WDPCP: variants seen among roughly 807,000 people sequenced by gnomAD.
WDPCP encodes the protein WD repeat-containing and planar cell polarity effector protein fritz homolog.
WDPCP carries 71 observed loss-of-function variants against 93.1 expected under a neutral mutation model. The ratio of observed to expected loss-of-function variants is 0.76; its 90% CI spans 0.63 to 0.93. WDPCP has a LOEUF of 0.93. WDPCP is among the 40% of genes least tolerant of loss of function. The probability of loss-of-function intolerance (pLI) is 0.00; values close to 1 mark genes in which losing one functional copy is unlikely to be tolerated. For missense variants in WDPCP, 844 were observed against 887.4 expected, an observed-to-expected ratio of 0.95 and a Z score of 0.62; for synonymous variants, 315 against 315.0, an observed-to-expected ratio of 1.00 and a Z score of 0.00.
At chr2:63,831,289 T>C (rs1340984340), upstream of WDPCP, among the ~76,000 whole-genome samples, 2 of 152,170 alleles carry the variant, frequency 1.3e-5, no homozygotes, top group African/African-American at 4.8e-5. Flanking sequence ...CCTCCAAACT[T>C]ATATCTTGTC....
At chr2:63,549,248 A>T (rs1705387933) in intron 1 of WDPCP, among the ~76,000 whole-genome samples, 1 of 11,498 alleles carries the variant, frequency 8.7e-5, no homozygotes, top group African/African-American at 5.9e-4. Context: ...AGACTGTCTC[A>T]AAAAAAAAAA....
chr2:63,700,804 A>G (rs1669037069), intron 2 of WDPCP, among the ~76,000 whole-genome samples: 1 of 152,188 alleles, frequency 6.6e-6, no homozygotes, highest in Admixed American at 6.5e-5. Context: ...CACTGAAAAA[A>G]CTGGATAACC....
At chr2:63,213,727 C>G (rs1243694727) in intron 14 of WDPCP, among the ~76,000 whole-genome samples, 7 of 151,880 alleles carry the variant, frequency 4.6e-5, no homozygotes, top group African/African-American at 1.7e-4. Flanking sequence ...AGACTGCTAG[C>G]AAGACTAATA....
At chr2:63,479,909 G>A (rs937878268) in intron 6 of WDPCP, among the ~76,000 whole-genome samples, 2 of 152,012 alleles carry the variant, frequency 1.3e-5, no homozygotes, top group Non-Finnish European at 2.9e-5. Context: ...ACAAATCAAG[G>A]GCATCCAAAT....
At chr2:63,361,809 G>C (rs966742188) in intron 12 of WDPCP, among the ~76,000 whole-genome samples, 4 of 152,200 alleles carry the variant, frequency 2.6e-5, no homozygotes, top group African/African-American at 9.6e-5. Flanking sequence ...TTAAAGCTGT[G>C]CTTCTCAGAG....
At chr2:63,376,382 A>C (rs921548608) in intron 12 of WDPCP, among the ~76,000 whole-genome samples, 82 of 152,070 alleles carry the variant, frequency 5.4e-4, no homozygotes, top group African/African-American at 1.9e-3. Flanking sequence ...AAGTATGTCC[A>C]AAAAATAATT....
chr2:63,688,443 A>G (rs1305804967), intron 2 of WDPCP, among the ~76,000 whole-genome samples: 1 of 151,918 alleles, frequency 6.6e-6, no homozygotes. Flanking sequence ...AAAAAAAGTT[A>G]AAACGATTGA....
intron 2 of WDPCP, among the ~76,000 whole-genome samples, chr2:63,751,342 CT>C (rs1323867076): frequency 1.3e-5 from 2 of 151,634 alleles, no homozygotes; most frequent in Non-Finnish European, 2.9e-5. Context: ...ATGTTCTATT[CT>C]TTTTTTAAAG....
intron 1 of WDPCP, among the ~76,000 whole-genome samples, chr2:63,530,044 T>C (rs569159145): frequency 6.6e-6 from 1 of 152,258 alleles, no homozygotes; most frequent in Non-Finnish European, 1.5e-5. Context: ...TCGGTGGTGA[T>C]AGCCCCTTTA....
At chr2:63,416,758 G>A (rs567944198) in intron 9 of WDPCP, among the ~76,000 whole-genome samples, 7 of 151,922 alleles carry the variant, frequency 4.6e-5, no homozygotes, top group Non-Finnish European at 8.8e-5. Flanking sequence ...TCCTGACCTC[G>A]TGATCTGCCC....
chr2:63,238,212 G>C (rs1170800807), intron 14 of WDPCP, among the ~76,000 whole-genome samples: 1 of 151,994 alleles, frequency 6.6e-6, no homozygotes, highest in Non-Finnish European at 1.5e-5. Flanking sequence ...ACTGAAAAGT[G>C]AAATAATTCA....
intron 3 of WDPCP, among the ~76,000 whole-genome samples, chr2:63,642,032 C>G (rs1343644041): frequency 2.0e-5 from 3 of 152,076 alleles, no homozygotes; most frequent in Non-Finnish European, 4.4e-5. Flanking sequence ...TTCCCAGCAC[C>G]ATTTATTGAA....
intron 10 of WDPCP, among the ~76,000 whole-genome samples, chr2:63,391,841 C>A (rs1693278798): frequency 1.3e-5 from 2 of 152,100 alleles, no homozygotes; most frequent in African/African-American, 2.4e-5. Flanking sequence ...ATGTGAAGGA[C>A]CTCTTCAAGG....
At chr2:63,577,715 T>A (rs1575689322) in intron 1 of WDPCP, among the ~76,000 whole-genome samples, 1 of 152,160 alleles carries the variant, frequency 6.6e-6, no homozygotes, top group South Asian at 2.1e-4. Context: ...ATACTTGATA[T>A]GAAAAATAGC....
intron 1 of WDPCP, among the ~76,000 whole-genome samples, chr2:63,533,459 A>G (rs1310369727): frequency 6.6e-6 from 1 of 152,196 alleles, no homozygotes; most frequent in Non-Finnish European, 1.5e-5. Flanking sequence ...CATAGTTGGA[A>G]GTAAAGCACT....
intron 1 of WDPCP, among the ~76,000 whole-genome samples, chr2:63,503,991 C>T (rs1416654202): frequency 3.3e-5 from 5 of 151,878 alleles, no homozygotes; most frequent in Admixed American, 2.0e-4. Flanking sequence ...TATACCACCT[C>T]TACCTTGTCA....
chr2:63,345,592 C>G (rs1689137180), intron 12 of WDPCP, among the ~76,000 whole-genome samples: 5 of 152,112 alleles, frequency 3.3e-5, no homozygotes, highest in Admixed American at 2.6e-4. Context: ...ATTTGAAGGG[C>G]AGACATAGTA....
chr2:63,722,960 G>C (rs1175588925), intron 2 of WDPCP, among the ~76,000 whole-genome samples: 3 of 152,094 alleles, frequency 2.0e-5, no homozygotes, highest in African/African-American at 7.2e-5. Flanking sequence ...TTCTGCCTTG[G>C]GATCCTGTTG....
intron 16 of WDPCP, 140 bp from the exon 17 acceptor site, chr2:63,153,085 C>T: frequency 1.4e-6 from 1 of 692,854 alleles, no homozygotes; most frequent in Non-Finnish European, 2.5e-6. Flanking sequence ...AATAAAAAAC[C>T]AAACCTTAAC....
Sources: gnomAD v4.1 joint callset for allele counts (sites outside exome capture counted in the v4.1 genomes callset) on GRCh38, gnomAD v4.1.1 for gene constraint, MANE v1.5 for transcripts, NCBI Gene and HGNC (gene_info 2026-07-23, HGNC 2026-07-21) for gene names.